LPP: variants seen among roughly 807,000 people sequenced by gnomAD.
LPP encodes the protein lipoma-preferred partner.
In LPP, 38 loss-of-function variants were observed where a neutral mutation model predicts 60.4. The ratio of observed to expected loss-of-function variants is 0.63; its 90% CI spans 0.49 to 0.83. The LOEUF (loss-of-function observed/expected upper bound fraction) is 0.83, where lower values mean the gene tolerates loss of function less well. LPP is among the 40% of genes least tolerant of loss of function. LPP has a pLI of 0.00. For missense variants in LPP, 902 were observed against 783.6 expected (o/e 1.15, Z -1.80); for synonymous variants, 328 against 290.8 (o/e 1.13, Z -1.30).
chr3:188,672,950 T>C (rs866526886), intron 7 of LPP, among the ~76,000 whole-genome samples: 1 of 151,376 alleles, frequency 6.6e-6, no homozygotes, highest in Non-Finnish European at 1.5e-5. Context: ...AAAAATTGTT[T>C]TCTTTTATTG....
chr3:188,220,642 G>T (rs969110461), intron 1 of LPP, among the ~76,000 whole-genome samples: 1 of 152,202 alleles, frequency 6.6e-6, no homozygotes, highest in East Asian at 1.9e-4. Flanking sequence ...CAGCAGAAAG[G>T]CTGGATGGAG....
At position 188,456,521 on chromosome 3, in the gene LPP, G is replaced by T. The variant is rs189576205; in HGVS notation, c.194-28071G>T. Among the ~76,000 whole-genome samples, 641 of 152,342 alleles carry T rather than the reference G, an allele frequency of 4.2e-3. 3 individuals carry two copies. Among genetic ancestry groups the T allele is most frequent in the African/African-American group, 0.014 (595 of 41,578 alleles). On this transcript the variant is annotated intron_variant, in intron 4 of 11. Coordinates refer to ENST00000617246, the MANE Select transcript of LPP (RefSeq NM_001375462.1). ...AGGCTTAGTGTGGGAGATGCCTTTT[G>T]GCTGGACTTGGGCAGTTGGTTAATT...
intron 7 of LPP, among the ~76,000 whole-genome samples, chr3:188,669,602 A>C (rs540676692): frequency 2.2e-4 from 34 of 152,092 alleles, no homozygotes; most frequent in Non-Finnish European, 4.6e-4. Context: ...AAAGTCAGGA[A>C]ACAACAGGTG....
chr3:188,255,082 G>A (rs1331681816), intron 2 of LPP, among the ~76,000 whole-genome samples: 12 of 152,188 alleles, frequency 7.9e-5, no homozygotes, highest in Non-Finnish European at 2.9e-5. Context: ...CATCTTGGTT[G>A]CTTCAACACA....
intron 9 of LPP, among the ~76,000 whole-genome samples, chr3:188,763,093 A>G (rs1355720): frequency 0.56 from 85,607 of 151,994 alleles, 24,987 homozygotes; most frequent in East Asian, 0.96. Context: ...TCCTAGAACT[A>G]TGCGTCTCTC....
chr3:188,511,468 A>C (rs568291437), intron 5 of LPP, among the ~76,000 whole-genome samples: 92 of 152,058 alleles, frequency 6.1e-4, no homozygotes, highest in African/African-American at 2.1e-3. Flanking sequence ...TTGGCTTTTC[A>C]ATTGTAATTG....
intron 3 of LPP, among the ~76,000 whole-genome samples, chr3:188,377,617 T>C (rs2151158706): frequency 6.6e-6 from 1 of 152,324 alleles, no homozygotes; most frequent in East Asian, 1.9e-4. Flanking sequence ...CTAATTTTTT[T>C]TCAAAGCTTT....
chr3:188,710,879 T>A (rs1470105113), intron 8 of LPP: 1 of 152,226 alleles, frequency 6.6e-6, no homozygotes, highest in African/African-American at 2.4e-5. Context: ...TACTACTTAG[T>A]AGCTTAGAAA....
At chr3:188,211,144 G>A (rs931434797) in intron 1 of LPP, among the ~76,000 whole-genome samples, 1 of 152,122 alleles carries the variant, frequency 6.6e-6, no homozygotes, top group Non-Finnish European at 1.5e-5. Context: ...ACACATGATT[G>A]GACCATTTCT....
chr3:188,889,478 G>A lies in LPP; in HGVS notation c.*14999G>A, dbSNP rs975312350. On this transcript the variant is annotated 3_prime_UTR_variant, in exon 12 of 12. Coordinates refer to ENST00000617246, the MANE Select transcript of LPP (RefSeq NM_001375462.1). ...AGTCGTTCCCTTTCCTTCTAAGTCA[G>A]TTGGCTCCATATTCACTTGAATATG... The A allele has an allele frequency of 4.3e-6, 1 of 231,200 alleles. No homozygotes were observed. Among genetic ancestry groups the A allele is most frequent in the African/African-American group, 2.2e-5 (1 of 45,334 alleles). The allele number at this position is 231,200 out of a possible 1,614,324, so 14.3% of individuals were successfully genotyped here.
chr3:188,519,428 A>G (rs1407049934), intron 5 of LPP, among the ~76,000 whole-genome samples: 3 of 152,240 alleles, frequency 2.0e-5, no homozygotes, highest in Non-Finnish European at 4.4e-5. Flanking sequence ...AAAATCAGCT[A>G]GGAGCCTGTT....
Position 188,760,190 on chromosome 3 carries a change from G to C in LPP, c.1318G>C (p.Asp440His). 6.2e-7 allele frequency: 1 copy of C among 1,614,084 alleles called. No individual in the cohort carries two copies. Among genetic ancestry groups the C allele is most frequent in the Non-Finnish European group, 8.5e-7 (1 of 1,179,988 alleles). The change falls in exon 9 of 12, where the codon GAT becomes CAT. Residue 440 changes from aspartate (D) to histidine (H), a missense_variant. Coordinates refer to ENST00000617246, the MANE Select transcript of LPP (RefSeq NM_001375462.1). ...CTAMDQVFHV[D>H]CFTCIICNNK... ...TGCCATGGATCAGGTCTTCCACGTG[G>C]ATTGTTTTACCTGCATCATCTGCAA...
intron 7 of LPP, among the ~76,000 whole-genome samples, chr3:188,624,646 G>C (rs545909737): frequency 6.6e-6 from 1 of 151,880 alleles, no homozygotes; most frequent in Non-Finnish European, 1.5e-5. Flanking sequence ...CTATTAATAG[G>C]GAGTCAAGTA....
chr3:188,782,751 C>A lies in LPP; in HGVS notation c.1410+22469C>A, dbSNP rs868629331. ...TGAATGTTGCTGGGAAAAAAAAAAA[C>A]AAAACACAGCCGGGCATAATCATAT... On this transcript the variant is annotated intron_variant, in intron 9 of 11. Coordinates refer to ENST00000617246, the MANE Select transcript of LPP (RefSeq NM_001375462.1). Among the ~76,000 whole-genome samples the A allele has an allele frequency of 4.7e-3, 703 of 149,474 alleles. 9 individuals are homozygous for A. The highest frequency in any genetic ancestry group is 0.015 in the African/African-American group (610 of 41,014).
intron 2 of LPP, among the ~76,000 whole-genome samples, chr3:188,277,158 C>G (rs993547094): frequency 6.6e-6 from 1 of 152,132 alleles, no homozygotes; most frequent in South Asian, 2.1e-4. Flanking sequence ...CCCGCCTCCA[C>G]CTCACAACGT....
At chr3:188,360,022 C>T (rs1768802748) in intron 3 of LPP, among the ~76,000 whole-genome samples, 2 of 152,162 alleles carry the variant, frequency 1.3e-5, no homozygotes. Context: ...TCACAAGATA[C>T]CTCTTTTTCA....
intron 1 of LPP, among the ~76,000 whole-genome samples, chr3:188,170,952 G>A (rs1467175438): frequency 6.6e-6 from 1 of 152,060 alleles, no homozygotes; most frequent in Non-Finnish European, 1.5e-5. Context: ...CCATATCATG[G>A]GAGATTTCAC....
chr3:188,583,572 C>T lies in LPP; in HGVS notation c.430-25589C>T, dbSNP rs148878972. On this transcript the variant is annotated intron_variant, in intron 6 of 11. Coordinates refer to ENST00000617246, the MANE Select transcript of LPP (RefSeq NM_001375462.1). ...CACCCTGCAAATGATCATTATCTCACTGCCTCTCCCAAATGATAACCTCTT... is the reference window on the plus strand; with the variant it reads ...CACCCTGCAAATGATCATTATCTCATTGCCTCTCCCAAATGATAACCTCTT... Among the ~76,000 whole-genome samples the T allele has an allele frequency of 1.6e-3, 248 of 152,310 alleles. 2 individuals are homozygous for T. The highest frequency in any genetic ancestry group is 3.0e-3 in the Non-Finnish European group (204 of 68,030).
chr3:188,278,774 G>A (rs535809448), intron 2 of LPP, among the ~76,000 whole-genome samples: 25 of 152,214 alleles, frequency 1.6e-4, no homozygotes, highest in African/African-American at 5.8e-4. Flanking sequence ...GAGTGAGGTT[G>A]GAGAGAGGCG....
Sources: gnomAD v4.1 joint callset for allele counts (sites outside exome capture counted in the v4.1 genomes callset) on GRCh38, gnomAD v4.1.1 for gene constraint, MANE v1.5 for transcripts, NCBI Gene and HGNC (gene_info 2026-07-23, HGNC 2026-07-21) for gene names.